The following IL17F variants were observed in gnomAD, a reference collection of about 807,000 sequenced individuals.
The protein encoded by IL17F is interleukin 17F, also known as interleukin-17F.
IL17F carries 6 observed loss-of-function variants against 8.3 expected under a neutral mutation model. The observed-to-expected ratio is 0.73, with a 90% CI of 0.40 to 1.43. The LOEUF (loss-of-function observed/expected upper bound fraction) is 1.43. Among genes scored for constraint, IL17F ranks in the 40% most tolerant of loss-of-function variants. The pLI, the probability that IL17F is intolerant of heterozygous loss-of-function variation, is 0.02. For synonymous variants in IL17F, 98 were observed against 81.6 expected (o/e 1.20, Z -1.08); for missense variants, 204 against 209.6 (o/e 0.97, Z 0.17).
chr6:52,238,044 G>A (rs1468911671), intron 2 of IL17F, among the ~76,000 whole-genome samples: 1 of 152,340 alleles, frequency 6.6e-6, no homozygotes, highest in East Asian at 1.9e-4. Flanking sequence ...TCGCTAAGCT[G>A]GACTTGTCCA....
At chr6:52,239,911 C>T (rs1397391737) in intron 1 of IL17F, among the ~76,000 whole-genome samples, 1 of 152,148 alleles carries the variant, frequency 6.6e-6, no homozygotes, top group Non-Finnish European at 1.5e-5. Flanking sequence ...AATATGGAAA[C>T]TATTTCTCTT....
Position 52,244,454 on chromosome 6 carries a change from C to G in IL17F, c.-25G>C. 3 of 1,613,114 alleles carry G rather than the reference C, an allele frequency of 1.9e-6. No homozygotes were observed. The Admixed American group carries it at 5.0e-5, about 27-fold the overall frequency. On this transcript the variant is annotated 5_prime_UTR_variant, in exon 1 of 3. Coordinates refer to ENST00000336123, the MANE Select transcript of IL17F (RefSeq NM_052872.4). ...TGTTGCGCTGGTGGCTTACTTTGTG[C>G]AGGAAGCTCTTTCTGTGAATGTATC...
chr6:52,238,597 A>G, intron 2 of IL17F, 133 bp downstream of exon 2: 1 of 832,248 alleles, frequency 1.2e-6, no homozygotes, highest in Non-Finnish European at 1.9e-6. Context: ...GCTCCCAGGT[A>G]AAGTGAAATT....
In IL17F at chr6:52,237,159, C is replaced by T. The variant is rs768255263; in HGVS notation, c.264G>A (p.Trp88Ter). ...CTTCCGAGGGGTACCGGTTGGGGTC[C>T]CAAGTGACACTGCAGGAGGAGCAAG... ...STSPWNYTVTWDPNRYPSEVV... is the reference protein window; with the variant it reads ...STSPWNYTVT Residue 88 changes from tryptophan (W) to a stop codon, truncating the protein, a stop_gained, in exon 3 of 3, where the codon TGG becomes TGA. Transcript: ENST00000336123. LOFTEE classifies it low-confidence loss of function (END_TRUNC). 1.2e-6 allele frequency: 2 copies of T among 1,613,582 alleles called. No homozygotes were observed. The highest frequency in any genetic ancestry group is 4.5e-5 in the East Asian group (2 of 44,854).
chr6:52,244,648 G>A, upstream of IL17F: 2 of 582,936 alleles, frequency 3.4e-6, no homozygotes, highest in Admixed American at 3.1e-5. Context: ...GGGAACAAAA[G>A]GGGGACCCTA....
intron 2 of IL17F, among the ~76,000 whole-genome samples, chr6:52,237,525 T>C (rs1241103552): frequency 1.3e-5 from 2 of 152,072 alleles, no homozygotes. Context: ...AATTCTTTAT[T>C]CTCTGCCTGG....
chr6:52,238,645 T>C (rs1562359041), intron 2 of IL17F, 85 bp downstream of exon 2: 6 of 1,155,176 alleles, frequency 5.2e-6, no homozygotes, highest in Non-Finnish European at 7.6e-6. Context: ...ATTTTTTCTA[T>C]GTATTCTACA....
chr6:52,237,786 C>T (rs1222313266), intron 2 of IL17F, among the ~76,000 whole-genome samples: 1 of 152,090 alleles, frequency 6.6e-6, no homozygotes, highest in African/African-American at 2.4e-5. Flanking sequence ...ACTGTCTGAA[C>T]CCTGAAGGAC....
chr6:52,245,320 T>G (rs1301322584), upstream of IL17F, among the ~76,000 whole-genome samples: 2 of 152,214 alleles, frequency 1.3e-5, no homozygotes, highest in Non-Finnish European at 2.9e-5. Context: ...TGCTCCCACT[T>G]TAAGCACCAA....
At chr6:52,242,832 A>G (rs1425819342) in intron 1 of IL17F, among the ~76,000 whole-genome samples, 5 of 152,136 alleles carry the variant, frequency 3.3e-5, no homozygotes, top group Admixed American at 2.6e-4. Context: ...TTTCTCTATC[A>G]TTATCAGTCG....
intron 1 of IL17F, among the ~76,000 whole-genome samples, chr6:52,242,492 A>C (rs930624168): frequency 3.9e-5 from 6 of 152,242 alleles, no homozygotes; most frequent in African/African-American, 1.2e-4. Context: ...TCTTGCTGAC[A>C]ACCCAACAGA....
At position 52,244,480 on chromosome 6, in the gene IL17F, T is replaced by G. The variant is rs1457897504; in HGVS notation, c.-51A>C. On this transcript the variant is annotated 5_prime_UTR_variant, in exon 1 of 3. Transcript: ENST00000336123. ...AGGAAGCTCTTTCTGTGAATGTATCTTCCTGTGTATGCCTGTGTTCTATCA... is the reference window on the plus strand; with the variant it reads ...AGGAAGCTCTTTCTGTGAATGTATCGTCCTGTGTATGCCTGTGTTCTATCA... 7 of 1,558,580 alleles carry G rather than the reference T, an allele frequency of 4.5e-6. No homozygotes were observed. The highest frequency in any genetic ancestry group is 1.7e-5 in the Admixed American group (1 of 59,948).
chr6:52,236,966 T>G lies in IL17F; in HGVS notation c.457A>C (p.Thr153Pro). ...TGGTGGATGACAGGGGTGACGCAGG[T>G]GCAGCCAACAGTCACCAGCACCTTC... ...LEKVLVTVGC[T>P]CVTPVIHHVQ The change falls in exon 3 of 3, where the codon ACC becomes CCC. Residue 153 changes from threonine (T) to proline (P), a missense_variant. Physicochemically the swap from Thr to Pro is conservative, Grantham distance 38. Transcript: ENST00000336123. 6.2e-7 allele frequency: 1 copy of G among 1,614,174 alleles called. No homozygotes were observed. The highest frequency in any genetic ancestry group is 8.5e-7 in the Non-Finnish European group (1 of 1,180,006).
chr6:52,244,535 C>A, upstream of IL17F: 1 of 1,108,710 alleles, frequency 9.0e-7, no homozygotes, highest in South Asian at 1.3e-5. Context: ...TTATAGCAAT[C>A]ATTGCCCCTG....
At chr6:52,241,568 A>C (rs1285252979) in intron 1 of IL17F, among the ~76,000 whole-genome samples, 1 of 152,246 alleles carries the variant, frequency 6.6e-6, no homozygotes, top group Non-Finnish European at 1.5e-5. Flanking sequence ...CATACATTGG[A>C]GTTATATGAC....
rs750915214 is a variant in IL17F at position 52,238,880 on chromosome 6, T to C, written c.104A>G (p.Lys35Arg). ...CTTTTGGAAAAAAGTATGTCCTACT[T>C]TGGGGATTTTCCGAGCTGCCGCCTC... ...LSEAAARKIP[K>R]VGHTFFQKPE... Residue 35 changes from lysine to arginine, a missense_variant, in exon 2 of 3, where the codon AAA (lysine) becomes AGA (arginine). Physicochemically the swap from Lys to Arg is conservative, Grantham distance 26. Transcript: ENST00000336123. 4 of 1,613,880 alleles carry C rather than the reference T, an allele frequency of 2.5e-6. No homozygotes were observed. In the African/African-American group the frequency reaches 4.0e-5, roughly 16 times the overall value.
intron 2 of IL17F, 29 bp downstream of exon 2, chr6:52,238,701 A>G (rs1764011428): frequency 6.5e-7 from 1 of 1,546,862 alleles, no homozygotes; most frequent in Non-Finnish European, 8.9e-7. Flanking sequence ...TTTCCAAAGA[A>G]TGTGAAAATC....
In IL17F at chr6:52,236,900, C is replaced by A; in HGVS notation, c.*31G>T. The A allele has an allele frequency of 1.3e-6, 2 of 1,568,248 alleles. No individual in the cohort carries two copies. The highest frequency in any genetic ancestry group is 1.8e-6 in the Non-Finnish European group (2 of 1,138,346). ...CACTGGGTAAGGAGTGGCATTTCTA[C>A]AGCTTCTTCAGCTGAGTGGATATGC... On this transcript the variant is annotated 3_prime_UTR_variant, in exon 3 of 3. Coordinates refer to ENST00000336123, the MANE Select transcript of IL17F (RefSeq NM_052872.4).
chr6:52,238,686 A>T lies in IL17F; in HGVS notation c.254+44T>A, dbSNP rs756438846. Reference sequence around the variant, plus strand: ...TACTTTATGATTAGAATGAATTAACATATTTTTCCAAAGAATGTGAAAATC... The same window carrying T: ...TACTTTATGATTAGAATGAATTAACTTATTTTTCCAAAGAATGTGAAAATC... On this transcript the variant is annotated intron_variant, in intron 2 of 2. Coordinates refer to ENST00000336123, the MANE Select transcript of IL17F (RefSeq NM_052872.4). 2.7e-6 allele frequency: 4 copies of T among 1,464,590 alleles called. No homozygotes were observed. The African/African-American group carries it at 5.6e-5, about 20-fold the overall frequency. The allele number at this position is 1,464,590 out of a possible 1,614,324, so 90.7% of individuals were successfully genotyped here.
Sources: allele counts gnomAD v4.1 joint callset (sites outside exome capture counted in the v4.1 genomes callset), GRCh38; gene constraint gnomAD v4.1.1; transcripts MANE v1.5; gene names NCBI Gene and HGNC (gene_info 2026-07-23, HGNC 2026-07-21).